Variants in SYN2 observed in about 807,000 individuals in gnomAD.
SYN2 encodes the protein synapsin-2.
SYN2 carries 19 observed loss-of-function variants against 50.9 expected under a neutral mutation model. That is an observed-to-expected ratio of 0.37 (90% CI 0.26 to 0.55). SYN2 has a LOEUF of 0.55. SYN2 is among the 20% of genes least tolerant of loss of function. SYN2 has a pLI of 0.81. For missense variants in SYN2, 587 were observed against 576.4 expected (o/e 1.02, Z -0.19); for synonymous variants, 255 against 224.9 (o/e 1.13, Z -1.20).
At chr3:12,088,221 A>G (rs1695753319) in intron 1 of SYN2, among the ~76,000 whole-genome samples, 1 of 152,198 alleles carries the variant, frequency 6.6e-6, no homozygotes, top group African/African-American at 2.4e-5. Context: ...ATAACAAGAA[A>G]ACAACCCAAT....
chr3:12,158,860 T>C (rs756159545), intron 5 of SYN2: 167 of 1,544,416 alleles, frequency 1.1e-4, no homozygotes, highest in Non-Finnish European at 1.4e-4. Context: ...GATCCGCGAC[T>C]GAGCCTGTGA....
chr3:12,010,885 A>G (rs1034852021), intron 1 of SYN2, among the ~76,000 whole-genome samples: 9 of 152,234 alleles, frequency 5.9e-5, no homozygotes, highest in Non-Finnish European at 1.2e-4. Flanking sequence ...TCGTGAAAAA[A>G]GAGGCTAATC....
At chr3:12,114,824 G>A (rs566530202) in intron 1 of SYN2, among the ~76,000 whole-genome samples, 1 of 152,254 alleles carries the variant, frequency 6.6e-6, no homozygotes, top group Non-Finnish European at 1.5e-5. Context: ...CCGTAATGTA[G>A]GTTAAAGGCA....
chr3:12,164,196 A>G (rs1192630414), intron 7 of SYN2, among the ~76,000 whole-genome samples: 1 of 152,258 alleles, frequency 6.6e-6, no homozygotes, highest in Non-Finnish European at 1.5e-5. Context: ...TTTTAATTTT[A>G]AAATCCCCTA....
chr3:12,137,191 T>C (rs1048498551), intron 1 of SYN2, among the ~76,000 whole-genome samples: 1 of 149,376 alleles, frequency 6.7e-6, no homozygotes, highest in African/African-American at 2.5e-5. Context: ...GAGGCTACAG[T>C]GAGCTATGAT....
chr3:12,107,629 TGC>T (rs1696222783), intron 1 of SYN2, among the ~76,000 whole-genome samples: 1 of 151,930 alleles, frequency 6.6e-6, no homozygotes, highest in Non-Finnish European at 1.5e-5. Context: ...GGCCAGTGAG[TGC>T]GGTGGCTCAC....
intron 1 of SYN2, among the ~76,000 whole-genome samples, chr3:12,039,549 ATTTTTTTTT>A (rs60746238): frequency 0.099 from 11,651 of 118,118 alleles, 876 homozygotes; most frequent in East Asian, 0.26. Context: ...AGAAGCAAAG[ATTTTTTTTT>A]TTTTTTTTTT....
chr3:12,070,711 GT>G, intron 1 of SYN2: 3 of 998,596 alleles, frequency 3.0e-6, no homozygotes, highest in Non-Finnish European at 4.5e-6. Flanking sequence ...TGGAGATGGG[GT>G]CACTCATACA....
At position 12,105,458 on chromosome 3, in the gene SYN2, C is replaced by G. The variant is rs528076776; in HGVS notation, c.378-35193C>G. Reference sequence around the variant, plus strand: ...GAATAGGAAGAAAAGATTTTCTTTCCTTTTCAGGGGCTACCTAGGACAAAC... The same window carrying G: ...GAATAGGAAGAAAAGATTTTCTTTCGTTTTCAGGGGCTACCTAGGACAAAC... On this transcript the variant is annotated intron_variant, in intron 1 of 12. Coordinates refer to ENST00000621198, the MANE Select transcript of SYN2 (RefSeq NM_133625.6). Among the ~76,000 whole-genome samples the G allele has an allele frequency of 6.6e-5, 9 of 136,150 alleles. No homozygotes were observed. The South Asian group carries it at 2.2e-3, about 33-fold the overall frequency. 89.3% of individuals were successfully genotyped at this position (136,150 alleles called of 152,430 possible).
intron 1 of SYN2, chr3:12,071,001 C>G: frequency 1.8e-6 from 1 of 550,424 alleles, no homozygotes; most frequent in Non-Finnish European, 3.6e-6. Flanking sequence ...ACAAGTGGTC[C>G]TGGTGTCTGG....
chr3:12,169,092 C>T (rs1697877577), intron 9 of SYN2, among the ~76,000 whole-genome samples: 1 of 152,200 alleles, frequency 6.6e-6, no homozygotes, highest in Non-Finnish European at 1.5e-5. Flanking sequence ...GAATCTATCT[C>T]ATTTCCTGCA....
chr3:12,136,396 T>G (rs1053817168), intron 1 of SYN2, among the ~76,000 whole-genome samples: 1 of 152,200 alleles, frequency 6.6e-6, no homozygotes, highest in Non-Finnish European at 1.5e-5. Flanking sequence ...AGCCCTATTT[T>G]ATAAATGACA....
At chr3:12,039,435 A>G (rs1036344370) in intron 1 of SYN2, among the ~76,000 whole-genome samples, 12 of 152,166 alleles carry the variant, frequency 7.9e-5, no homozygotes, top group African/African-American at 2.9e-4. Flanking sequence ...CAGGCCTTAC[A>G]TACATTATCT....
intron 1 of SYN2, among the ~76,000 whole-genome samples, chr3:12,113,243 C>T (rs1398668356): frequency 6.6e-6 from 1 of 151,986 alleles, no homozygotes; most frequent in Admixed American, 6.6e-5. Flanking sequence ...GAAGAGTGTA[C>T]GTATGTAACC....
intron 1 of SYN2, among the ~76,000 whole-genome samples, chr3:12,043,394 G>A (rs1204823478): frequency 6.6e-6 from 1 of 152,040 alleles, no homozygotes; most frequent in Non-Finnish European, 1.5e-5. Context: ...TGTTATGACA[G>A]CCTTAGGATA....
At chr3:12,095,571 A>G (rs1425443586) in intron 1 of SYN2, among the ~76,000 whole-genome samples, 6 of 119,402 alleles carry the variant, frequency 5.0e-5, no homozygotes, top group Non-Finnish European at 1.7e-5. Context: ...AAAAAAAAAA[A>G]AAGGACCATC....
intron 1 of SYN2, among the ~76,000 whole-genome samples, chr3:12,092,835 G>A (rs1695858226): frequency 6.6e-6 from 1 of 152,174 alleles, no homozygotes; most frequent in South Asian, 2.1e-4. Context: ...GCCAGAGTTT[G>A]AGGTGACTTT....
At chr3:12,158,611 C>T (rs1229773080) in intron 5 of SYN2, 1 of 1,544,172 alleles carries the variant, frequency 6.5e-7, no homozygotes, top group Non-Finnish European at 8.7e-7. Flanking sequence ...TGAGCTCCTC[C>T]CTTTTCCTCT....
chr3:12,103,394 T>C (rs1696116903), intron 1 of SYN2, among the ~76,000 whole-genome samples: 4 of 152,170 alleles, frequency 2.6e-5, no homozygotes, highest in Non-Finnish European at 5.9e-5. Flanking sequence ...GAAATAATAA[T>C]ACATAATTAT....
Sources: gnomAD v4.1 joint callset for allele counts (sites outside exome capture counted in the v4.1 genomes callset) on GRCh38, gnomAD v4.1.1 for gene constraint, MANE v1.5 for transcripts, NCBI Gene and HGNC (gene_info 2026-07-23, HGNC 2026-07-21) for gene names.